TLX1: variants seen among roughly 807,000 people sequenced by gnomAD.
TLX1 encodes T cell leukemia homeobox 1.
In TLX1, 6 loss-of-function variants were observed where a neutral mutation model predicts 26.5. That is an observed-to-expected ratio of 0.23 (90% CI 0.12 to 0.45). TLX1 has a LOEUF of 0.45. Ranked by LOEUF, TLX1 falls within the 20% of genes least tolerant of loss-of-function variation. The probability of loss-of-function intolerance (pLI) is 0.99; values close to 1 mark genes in which losing one functional copy is unlikely to be tolerated. For synonymous variants in TLX1, 217 were observed against 219.7 expected, an observed-to-expected ratio of 0.99 and a Z score of 0.11; for missense variants, 418 against 482.6, an observed-to-expected ratio of 0.87 and a Z score of 1.25.
chr10:101,135,745 GATGACTGAA>G (rs1940282399), intron 2 of TLX1, among the ~76,000 whole-genome samples: 1 of 152,222 alleles, frequency 6.6e-6, no homozygotes, highest in Non-Finnish European at 1.5e-5. Context: ...AAAAGCAATG[GATGACTGAA>G]ACCACCATTT....
Position 101,137,110 on chromosome 10 carries a change from C to T in TLX1, c.*197C>T, listed in dbSNP as rs977772737. 1.2e-5 allele frequency: 8 copies of T among 663,300 alleles called. No homozygotes were observed. The highest frequency in any genetic ancestry group is 9.1e-5 in the African/African-American group (5 of 55,066). 41.1% of individuals were successfully genotyped at this position (663,300 alleles called of 1,614,324 possible). On this transcript the variant is annotated 3_prime_UTR_variant, in exon 3 of 3. Transcript: ENST00000370196. ...TGGAAGAGCTCAAGGGACAAGGACA[C>T]GCGCCCCCCTCCCAGAGGCGTCCCG...
chr10:101,135,756 C>A lies in TLX1; in HGVS notation c.771-935C>A, dbSNP rs559743804. Among the ~76,000 whole-genome samples, 9 of 152,330 alleles carry A rather than the reference C, an allele frequency of 5.9e-5. No individual in the cohort carries two copies. In the South Asian group the frequency reaches 1.9e-3, roughly 32 times the overall value. On this transcript the variant is annotated intron_variant, in intron 2 of 2. Coordinates refer to ENST00000370196, the MANE Select transcript of TLX1 (RefSeq NM_005521.4). ...AAGAAAAAGCAATGGATGACTGAAA[C>A]CACCATTTTCTTTTCAAACAAATTC...
chr10:101,134,393 G>C lies in TLX1; in HGVS notation c.770+17G>C, dbSNP rs772250975. On this transcript the variant is annotated intron_variant, in intron 2 of 2. Coordinates refer to ENST00000370196, the MANE Select transcript of TLX1 (RefSeq NM_005521.4). ...AAAGTGGAGGTGAGCAAGCGGGGCG[G>C]GCCGGCCGCCCGCGAGCGGCGCGGT... 1 of 1,539,502 alleles carries C rather than the reference G, an allele frequency of 6.5e-7. No individual in the cohort carries two copies. The highest frequency in any genetic ancestry group is 2.2e-5 in the Admixed American group (1 of 46,132).
chr10:101,133,941 G>A (rs563298833), intron 1 of TLX1, among the ~76,000 whole-genome samples: 1 of 152,154 alleles, frequency 6.6e-6, no homozygotes, highest in African/African-American at 2.4e-5. Flanking sequence ...CCGTGGTAGC[G>A]GCGACGGCGG....
At chr10:101,134,791 G>A (rs1940253568) in intron 2 of TLX1, among the ~76,000 whole-genome samples, 1 of 152,222 alleles carries the variant, frequency 6.6e-6, no homozygotes, top group South Asian at 2.1e-4. Context: ...AGAACAGCCC[G>A]CACCTTGTTG....
intron 2 of TLX1, 112 bp downstream of exon 2, chr10:101,134,488 C>G (rs886524821): frequency 1.6e-6 from 2 of 1,234,504 alleles, no homozygotes; most frequent in Non-Finnish European, 2.2e-6. Context: ...GTTTCTGATC[C>G]TTTCGGAGGA....
In TLX1 at chr10:101,132,904, T is replaced by TCCTCTGCTGGCCCTGGCTC. The variant is rs1198337933; in HGVS notation, c.568+804_568+822dup. 7.2e-4 allele frequency: 111 copies of TCCTCTGCTGGCCCTGGCTC among 153,232 alleles called. No individual in the cohort carries two copies. The Middle Eastern group carries it at 0.017, about 23-fold the overall frequency. The allele number at this position is 153,232 out of a possible 1,614,324, so 9.5% of individuals were successfully genotyped here. ...CCTTCTCTGCTGCCCGCTCCCGCCT[T>TCCTCTGCTGGCCCTGGCTC]CCTCTGCTGGCCCTGGCTCCCTCTG... On this transcript the variant is annotated intron_variant, in intron 1 of 2. Coordinates refer to ENST00000370196, the MANE Select transcript of TLX1 (RefSeq NM_005521.4). The surrounding 1 kb of genome is among the most constrained non-coding windows in gnomAD (Gnocchi z 4.1).
At chr10:101,133,044 G>C (rs1277280403) in intron 1 of TLX1, 5 of 152,288 alleles carry the variant, frequency 3.3e-5, no homozygotes, top group African/African-American at 9.7e-5. Flanking sequence ...CCTTCCGTCC[G>C]GGCTGGGAAG....
chr10:101,134,035 T>G (rs923819414), intron 1 of TLX1, 140 bp from the exon 2 acceptor site: 10 of 770,210 alleles, frequency 1.3e-5, no homozygotes, highest in African/African-American at 3.5e-5. Flanking sequence ...GCCCTGCTCG[T>G]GGGGGTTCAG....
rs781541934 is a variant in TLX1, at chr10:101,131,995, A to G, written c.454A>G (p.Thr152Ala). The G allele has an allele frequency of 6.6e-7, 1 of 1,523,946 alleles. No homozygotes were observed. The highest frequency in any genetic ancestry group is 8.7e-7 in the Non-Finnish European group (1 of 1,144,348). The allele number at this position is 1,523,946 out of a possible 1,614,324, so 94.4% of individuals were successfully genotyped here. Reference sequence around the variant, plus strand: ...CGTGGCCCACCCCCAGCCCCTGGCCACCGGCTTGCCCACCGTGCCCTCTGT... The same window carrying G: ...CGTGGCCCACCCCCAGCCCCTGGCCGCCGGCTTGCCCACCGTGCCCTCTGT... ...GAVAHPQPLA[T>A]GLPTVPSVPA... The change falls in exon 1 of 3, where the codon ACC (threonine) becomes GCC (alanine). Residue 152 changes from threonine to alanine, a missense_variant. Around this residue, in one of 3 missense-constraint regions of TLX1, gnomAD observed 322 missense variants for 344.6 expected, o/e 0.93. Transcript: ENST00000370196.
rs1241867556 is a variant in TLX1, at chr10:101,137,176, C to CATTTT, written c.*270_*274dup. 2 of 488,770 alleles carry CATTTT rather than the reference C, an allele frequency of 4.1e-6. No individual in the cohort carries two copies. Among genetic ancestry groups the CATTTT allele is most frequent in the Non-Finnish European group, 7.2e-6 (2 of 278,158 alleles). 30.3% of individuals were successfully genotyped at this position (488,770 alleles called of 1,614,324 possible). A position where few individuals can be genotyped will look rare whatever the true frequency, so the allele number is the denominator to read the frequency against. ...TTAAGAAATCTGTTTTTGTTTATTT[C>CATTTT]ATTTTATTTTAATTTTTAACGTGGG... On this transcript the variant is annotated 3_prime_UTR_variant, in exon 3 of 3. Coordinates refer to ENST00000370196, the MANE Select transcript of TLX1 (RefSeq NM_005521.4).
intron 2 of TLX1, among the ~76,000 whole-genome samples, chr10:101,135,716 T>C (rs1048015571): frequency 1.3e-5 from 2 of 152,220 alleles, no homozygotes; most frequent in African/African-American, 4.8e-5. Context: ...GCAGAAGTCT[T>C]ATTTATGTAT....
At position 101,131,643 on chromosome 10, in the gene TLX1, G is replaced by T. The variant is rs867450849; in HGVS notation, c.102G>T (p.Met34Ile). Residue 34 changes from methionine (M) to isoleucine (I), a missense_variant, in exon 1 of 3, where the codon ATG (methionine) becomes ATT (isoleucine). Physicochemically the swap from Met to Ile is conservative, Grantham distance 10. This residue lies in a region of TLX1 where 322 missense variants were observed against 344.6 expected (regional missense o/e 0.93). Transcript: ENST00000370196. Reference protein sequence around the residue: ...ILNSPDQGGCMGPASRLQDGE... With the variant: ...ILNSPDQGGCIGPASRLQDGE... The stretch of plus-strand genomic sequence containing the variant: ...ACAGCCCGGACCAGGGTGGCTGCAT[G>T]GGACCCGCCTCGCGCCTCCAGGACG... The T allele has an allele frequency of 6.4e-7, 1 of 1,570,628 alleles. No homozygotes were observed.
At position 101,137,494 on chromosome 10, in the gene TLX1, C is replaced by T. The variant is rs951884995; in HGVS notation, c.*581C>T. The T allele has an allele frequency of 1.3e-5, 3 of 238,352 alleles. No individual in the cohort carries two copies. The highest frequency in any genetic ancestry group is 6.6e-5 in the African/African-American group (3 of 45,384). 14.8% of individuals were successfully genotyped at this position (238,352 alleles called of 1,614,324 possible). A position where few individuals can be genotyped will look rare whatever the true frequency, so the allele number is the denominator to read the frequency against. ...CACAGACTCATCCTGAACAGCATGG[C>T]ACTCCCTCCAGCACAAACACAAGGT... On this transcript the variant is annotated 3_prime_UTR_variant, in exon 3 of 3. Coordinates refer to ENST00000370196, the MANE Select transcript of TLX1 (RefSeq NM_005521.4).
In TLX1 at chr10:101,136,702, C is replaced by A; in HGVS notation, c.782C>A (p.Ala261Glu). Residue 261 changes from alanine to glutamate, a missense_variant, in exon 3 of 3, where the codon GCG becomes GAG. Around this residue, in one of 3 missense-constraint regions of TLX1, gnomAD observed 78 missense variants for 92.2 expected, o/e 0.85. Coordinates refer to ENST00000370196, the MANE Select transcript of TLX1 (RefSeq NM_005521.4). ...NRRTKWRRQT[A>E]EEREAERQQA... Reference sequence around the variant, plus strand: ...TGTTCCCGGTGCAGACGGCAGACTGCGGAGGAACGGGAGGCCGAGAGGCAG... The same window carrying A: ...TGTTCCCGGTGCAGACGGCAGACTGAGGAGGAACGGGAGGCCGAGAGGCAG... 1 of 1,612,568 alleles carries A rather than the reference C, an allele frequency of 6.2e-7. No homozygotes were observed. Among genetic ancestry groups the A allele is most frequent in the Non-Finnish European group, 8.5e-7 (1 of 1,179,964 alleles).
At position 101,132,917 on chromosome 10, in the gene TLX1, C is replaced by A; in HGVS notation, c.568+808C>A. The A allele has an allele frequency of 6.5e-6, 1 of 153,618 alleles. No homozygotes were observed. Among genetic ancestry groups the A allele is most frequent in the South Asian group, 2.1e-4 (1 of 4,852 alleles). The allele number at this position is 153,618 out of a possible 1,614,324, so 9.5% of individuals were successfully genotyped here. A position where few individuals can be genotyped will look rare whatever the true frequency, so the allele number is the denominator to read the frequency against. On this transcript the variant is annotated intron_variant, in intron 1 of 2. Transcript: ENST00000370196. This position sits in a 1 kb window ranked among gnomAD's most constrained non-coding sequence, Gnocchi z 4.1. ...CCGCTCCCGCCTTCCTCTGCTGGCC[C>A]TGGCTCCCTCTGCTCCCGTTTCCAC...
At position 101,131,754 on chromosome 10, in the gene TLX1, G is replaced by A. The variant is rs1027204962; in HGVS notation, c.213G>A (p.Ala71=). The A allele has an allele frequency of 7.1e-7, 1 of 1,416,376 alleles. No individual in the cohort carries two copies. The highest frequency in any genetic ancestry group is 9.2e-7 in the Non-Finnish European group (1 of 1,091,448). 87.7% of individuals were successfully genotyped at this position (1,416,376 alleles called of 1,614,324 possible). Residue 71 remains alanine, a synonymous_variant, in exon 1 of 3, where the codon GCG becomes GCA. Coordinates refer to ENST00000370196, the MANE Select transcript of TLX1 (RefSeq NM_005521.4). Reference sequence around the variant, plus strand: ...CGGCCGCGACGGGGGCTGGAGGAGCGGGGGCCTATGGTACTGGAGGTCCCG... The same window carrying A: ...CGGCCGCGACGGGGGCTGGAGGAGCAGGGGCCTATGGTACTGGAGGTCCCG... The part of the protein sequence containing the change: ...GSAAATGAGG[A]GAYGTGGPGG...
intron 1 of TLX1, among the ~76,000 whole-genome samples, chr10:101,133,449 G>A (rs1166576691): frequency 6.6e-6 from 1 of 152,230 alleles, no homozygotes; most frequent in Non-Finnish European, 1.5e-5. Context: ...TCTGGCCTGG[G>A]GCAGCAGGGC....
At chr10:101,133,672 G>C (rs1940227468) in intron 1 of TLX1, among the ~76,000 whole-genome samples, 2 of 152,238 alleles carry the variant, frequency 1.3e-5, no homozygotes, top group Admixed American at 1.3e-4. Flanking sequence ...TGCTTGTCCC[G>C]TGCCTGTGCT....
Sources: allele counts gnomAD v4.1 joint callset (sites outside exome capture counted in the v4.1 genomes callset), GRCh38; gene constraint gnomAD v4.1.1; regional missense constraint gnomAD v4.1.1; non-coding constraint Gnocchi (gnomAD v3.1); transcripts MANE v1.5; gene names NCBI Gene and HGNC (gene_info 2026-07-23, HGNC 2026-07-21).